Variants in CDC7 observed in about 807,000 individuals in gnomAD.
The protein encoded by CDC7 is cell division cycle 7-related protein kinase.
A neutral mutation model predicts 53.5 loss-of-function variants in CDC7; 34 were observed. That is an observed-to-expected ratio of 0.64 (90% CI 0.48 to 0.85). The LOEUF is 0.85. Among genes scored for constraint, CDC7 ranks in the 40% least tolerant of loss-of-function variants. The pLI is 0.00. For synonymous variants in CDC7, 211 were observed against 222.8 expected (o/e 0.95, Z 0.47); for missense variants, 594 against 679.7 (o/e 0.87, Z 1.40).
rs550344423 is a variant in CDC7 at position 91,506,741 on chromosome 1, G to C, written c.116-1113G>C. ...AAGGTGGGCAGATCACTTGAGGTCA[G>C]GAGTTCAAGACCAGCCTGGCCATTG... On this transcript the variant is annotated intron_variant, in intron 2 of 11. Transcript: ENST00000234626. Among the ~76,000 whole-genome samples the C allele has an allele frequency of 2.6e-5, 4 of 152,260 alleles. No individual in the cohort carries two copies. In the South Asian group the frequency reaches 8.3e-4, roughly 32 times the overall value.
intron 10 of CDC7, among the ~76,000 whole-genome samples, chr1:91,518,521 T>G (rs1309513285): frequency 1.3e-5 from 2 of 152,074 alleles, no homozygotes; most frequent in African/African-American, 4.8e-5. Flanking sequence ...ATAAAGAAAA[T>G]GTGGTACTTA....
intron 4 of CDC7, among the ~76,000 whole-genome samples, chr1:91,511,051 C>T (rs1667261828): frequency 6.6e-6 from 1 of 152,136 alleles, no homozygotes; most frequent in Non-Finnish European, 1.5e-5. Context: ...ATAACTCTAT[C>T]AAAATGATGA....
chr1:91,512,314 TGAA>T (rs1461983186), intron 6 of CDC7, among the ~76,000 whole-genome samples: 2 of 152,122 alleles, frequency 1.3e-5, no homozygotes, highest in Non-Finnish European at 2.9e-5. Context: ...AATTTGGTGA[TGAA>T]GAAGATAAAA....
chr1:91,504,559 C>A lies in CDC7; in HGVS notation c.115+2728C>A, dbSNP rs13447473. Among the ~76,000 whole-genome samples, 4 of 152,314 alleles carry A rather than the reference C, an allele frequency of 2.6e-5. No individual in the cohort carries two copies. The South Asian group carries it at 8.3e-4, about 32-fold the overall frequency. On this transcript the variant is annotated intron_variant, in intron 2 of 11. Transcript: ENST00000234626. ...TACTGGAAGGAAGGCTTGCTTCATT[C>A]TGTTTGCTACAATGACACCCTTAGC...
At chr1:91,514,092 A>T (rs1401848256) in intron 8 of CDC7, 49 bp downstream of exon 8, 2 of 1,217,930 alleles carry the variant, frequency 1.6e-6, no homozygotes, top group Non-Finnish European at 2.4e-6. Context: ...CATACACTGA[A>T]GAGAATTTAG....
chr1:91,504,644 C>T (rs1176108661), intron 2 of CDC7, among the ~76,000 whole-genome samples: 3 of 152,110 alleles, frequency 2.0e-5, no homozygotes, highest in South Asian at 4.1e-4. Flanking sequence ...ATCTAGCTTA[C>T]GGCTATTGTC....
rs13447500 is a variant in CDC7 at position 91,510,849 on chromosome 1, T to C, written c.336-748T>C. On this transcript the variant is annotated intron_variant, in intron 4 of 11. Coordinates refer to ENST00000234626, the MANE Select transcript of CDC7 (RefSeq NM_003503.4). ...ACTAAAAGCCTTCCCTCAGTTGTTATTCTCTTTGACTTCCATGCTAATAAC... is the reference window on the plus strand; with the variant it reads ...ACTAAAAGCCTTCCCTCAGTTGTTACTCTCTTTGACTTCCATGCTAATAAC... 3.6e-4 allele frequency among the ~76,000 whole-genome samples: 55 copies of C among 152,354 alleles called. No individual in the cohort carries two copies. The South Asian group carries it at 7.9e-3, about 22-fold the overall frequency.
In CDC7 at chr1:91,513,146, G is replaced by A; in HGVS notation, c.661G>A (p.Glu221Lys). The A allele has an allele frequency of 6.2e-7, 1 of 1,613,664 alleles. No homozygotes were observed. The highest frequency in any genetic ancestry group is 8.5e-7 in the Non-Finnish European group (1 of 1,179,764). ...LKFVQSEAQQ[E>K]RCSQNKSHII... ...ATTTGTCCAGTCTGAAGCTCAGCAG[G>A]AAAGGTGTTCACAAAACAAATCCCA... Residue 221 changes from glutamate to lysine, a missense_variant, in exon 7 of 12, where the codon GAA becomes AAA. Physicochemically the swap from Glu to Lys is moderately conservative, Grantham distance 56 (BLOSUM62 1). Coordinates refer to ENST00000234626, the MANE Select transcript of CDC7 (RefSeq NM_003503.4).
Position 91,524,358 on chromosome 1 carries a change from C to G in CDC7, c.1648C>G (p.Leu550Val). The G allele has an allele frequency of 1.9e-6, 3 of 1,613,500 alleles. No individual in the cohort carries two copies. The highest frequency in any genetic ancestry group is 1.7e-4 in the Middle Eastern group (1 of 6,052). Residue 550 changes from leucine (L) to valine (V), a missense_variant, in exon 12 of 12, where the codon CTA (leucine) becomes GTA (valine). Physicochemically the swap from Leu to Val is conservative, Grantham distance 32. Coordinates refer to ENST00000234626, the MANE Select transcript of CDC7 (RefSeq NM_003503.4). ...DEAYDLLDKL[L>V]DLNPASRITA... Reference sequence around the variant, plus strand: ...AGCTTATGACCTGCTTGATAAACTTCTAGATCTAAATCCAGCTTCAAGAAT... The same window carrying G: ...AGCTTATGACCTGCTTGATAAACTTGTAGATCTAAATCCAGCTTCAAGAAT...
intron 11 of CDC7, 51 bp downstream of exon 11, chr1:91,520,330 T>G: frequency 1.5e-6 from 2 of 1,327,784 alleles, no homozygotes; most frequent in Non-Finnish European, 2.0e-6. Context: ...GATTATCTCC[T>G]ACAAATCACT....
chr1:91,512,671 C>T (rs1331783264), intron 6 of CDC7, among the ~76,000 whole-genome samples: 2 of 151,776 alleles, frequency 1.3e-5, no homozygotes, highest in East Asian at 3.9e-4. Flanking sequence ...TTTTAATTTT[C>T]TTTAATTGGA....
At chr1:91,522,501 A>G (rs1441978297) in intron 11 of CDC7, among the ~76,000 whole-genome samples, 1 of 152,170 alleles carries the variant, frequency 6.6e-6, no homozygotes, top group Admixed American at 6.5e-5. Context: ...CTGTAATAAA[A>G]TATGTTGACT....
At chr1:91,519,635 A>AT (rs906710894) in intron 10 of CDC7, among the ~76,000 whole-genome samples, 1 of 152,176 alleles carries the variant, frequency 6.6e-6, no homozygotes, top group African/African-American at 2.4e-5. Flanking sequence ...TAAAAAAGTA[A>AT]TTTTTTAAAA....
At chr1:91,510,326 G>C (rs952120041) in intron 4 of CDC7, among the ~76,000 whole-genome samples, 1 of 151,110 alleles carries the variant, frequency 6.6e-6, no homozygotes, top group Non-Finnish European at 1.5e-5. Flanking sequence ...TTCTTTCAAA[G>C]CCCTTATCGT....
chr1:91,518,484 C>T (rs1392037662), intron 10 of CDC7, among the ~76,000 whole-genome samples: 1 of 152,104 alleles, frequency 6.6e-6, no homozygotes, highest in Non-Finnish European at 1.5e-5. Context: ...TTGAAAGCGA[C>T]CTAAGTGTCC....
Position 91,508,262 on chromosome 1 carries a change from G to A in CDC7, c.200G>A (p.Gly67Asp). The change falls in exon 4 of 12, where the codon GGC becomes GAC. Residue 67 changes from glycine (G) to aspartate (D), a missense_variant and splice_region_variant. By Grantham distance (94) the Gly-to-Asp change is moderately conservative. Transcript: ENST00000234626. ...AAAAATTTAATAAATTGTTTTACAG[G>A]CACTTTCAGCTCTGTTTATTTGGCC... ...VFKIEDKIGE[G>D]TFSSVYLATA... 6.3e-7 allele frequency: 1 copy of A among 1,580,092 alleles called. No individual in the cohort carries two copies. Among genetic ancestry groups the A allele is most frequent in the Non-Finnish European group, 8.6e-7 (1 of 1,168,054 alleles).
intron 9 of CDC7, among the ~76,000 whole-genome samples, chr1:91,515,332 C>T (rs1667502911): frequency 6.6e-6 from 1 of 152,122 alleles, no homozygotes. Context: ...GTAACCAGAA[C>T]CAAATAGTAG....
At chr1:91,509,687 T>C (rs1667176117) in intron 4 of CDC7, among the ~76,000 whole-genome samples, 1 of 152,178 alleles carries the variant, frequency 6.6e-6, no homozygotes, top group African/African-American at 2.4e-5. Flanking sequence ...AAAATATATA[T>C]GTATATAACT....
chr1:91,508,358 T>A lies in CDC7; in HGVS notation c.296T>A (p.Ile99Lys), dbSNP rs144536947. 1.8e-5 allele frequency: 29 copies of A among 1,612,354 alleles called. No individual in the cohort carries two copies. In the South Asian group the frequency reaches 3.1e-4, roughly 17 times the overall value. The change falls in exon 4 of 12, where the codon ATA (isoleucine) becomes AAA (lysine). Residue 99 changes from isoleucine to lysine, a missense_variant. Physicochemically the swap from Ile to Lys is moderately radical, Grantham distance 102. Coordinates refer to ENST00000234626, the MANE Select transcript of CDC7 (RefSeq NM_003503.4). ...CACTTGATTCCAACAAGTCATCCTA[T>A]AAGAATTGCAGCTGAACTTCAGTGC... ...LKHLIPTSHPIRIAAELQCLT... is the reference protein window; with the variant it reads ...LKHLIPTSHPKRIAAELQCLT...
Sources: allele counts gnomAD v4.1 joint callset (sites outside exome capture counted in the v4.1 genomes callset), GRCh38; gene constraint gnomAD v4.1.1; transcripts MANE v1.5; gene names NCBI Gene and HGNC (gene_info 2026-07-23, HGNC 2026-07-21).